FES: variants seen among roughly 807,000 people sequenced by gnomAD.
FES encodes the protein tyrosine-protein kinase Fes/Fps.
A neutral mutation model predicts 109.6 loss-of-function variants in FES; 83 were observed. The ratio of observed to expected loss-of-function variants is 0.76; its 90% CI spans 0.63 to 0.91. FES has a LOEUF of 0.91. Ranked by LOEUF, FES falls within the 40% of genes least tolerant of loss-of-function variation. FES has a pLI of 0.00. For synonymous variants in FES, 458 were observed against 442.1 expected, an observed-to-expected ratio of 1.04 and a Z score of -0.45; for missense variants, 943 against 1,070.9, an observed-to-expected ratio of 0.88 and a Z score of 1.67.
chr15:90,893,585 C>T (rs2033438921), intron 16 of FES, 69 bp from the exon 17 acceptor site: 2 of 1,516,844 alleles, frequency 1.3e-6, no homozygotes, highest in African/African-American at 1.4e-5. Flanking sequence ...CCTTGGCTTT[C>T]CTAGAGTGTT....
Position 90,895,430 on chromosome 15 carries a change from T to G in FES, c.2341T>G (p.Cys781Gly). Reference sequence around the variant, plus strand: ...TCTCCTCACAGGGGGCCGTCTGCCCTGCCCAGAGCTGTGTCCTGATGCCGT... The same window carrying G: ...TCTCCTCACAGGGGGCCGTCTGCCCGGCCCAGAGCTGTGTCCTGATGCCGT... ...EFVEKGGRLP[C>G]PELCPDAVFR... The change falls in exon 19 of 19, where the codon TGC (cysteine) becomes GGC (glycine). Residue 781 changes from cysteine to glycine, a missense_variant. Coordinates refer to ENST00000328850, the MANE Select transcript of FES (RefSeq NM_002005.4). 6 of 1,554,452 alleles carry G rather than the reference T, an allele frequency of 3.9e-6. No individual in the cohort carries two copies. Among genetic ancestry groups the G allele is most frequent in the Non-Finnish European group, 5.2e-6 (6 of 1,146,666 alleles).
chr15:90,885,124 C>T lies in FES; in HGVS notation c.79C>T (p.Leu27=), dbSNP rs1420614574. The change falls in exon 2 of 19, where the codon CTG becomes TTG. Residue 27 remains leucine (L), a synonymous_variant. Transcript: ENST00000328850. ...AATGCAGGAGGCCGAGCTTCGTCTA[C>T]TGGAGGGCATGAGAAAGTGGATGGC... is the stretch of plus-strand genomic sequence containing the variant. The part of the protein sequence containing the change: ...QQMQEAELRL[L]EGMRKWMAQR... The T allele has an allele frequency of 1.2e-6, 2 of 1,614,020 alleles. No individual in the cohort carries two copies. Among genetic ancestry groups the T allele is most frequent in the Non-Finnish European group, 1.7e-6 (2 of 1,180,020 alleles).
At position 90,887,285 on chromosome 15, in the gene FES, C is replaced by G. The variant is rs1365218520; in HGVS notation, c.583C>G (p.Leu195Val). 1 of 1,613,152 alleles carries G rather than the reference C, an allele frequency of 6.2e-7. No homozygotes were observed. Among genetic ancestry groups the G allele is most frequent in the Non-Finnish European group, 8.5e-7 (1 of 1,180,048 alleles). ...RYVLGVRAAQ[L>V]HHQHHHQLLL... is the part of the protein sequence containing the mutation. Reference sequence around the variant, plus strand: ...TGTGCTGGGCGTGCGGGCTGCGCAGCTACACCACCAGCACCACCACCAGCT... The same window carrying G: ...TGTGCTGGGCGTGCGGGCTGCGCAGGTACACCACCAGCACCACCACCAGCT... The change falls in exon 5 of 19, where the codon CTA becomes GTA. Residue 195 changes from leucine to valine, a missense_variant. Physicochemically the swap from Leu to Val is conservative, Grantham distance 32 (BLOSUM62 1). Transcript: ENST00000328850.
Position 90,893,128 on chromosome 15 carries a change from A to G in FES, c.1855A>G (p.Ile619Val). 2 of 1,613,918 alleles carry G rather than the reference A, an allele frequency of 1.2e-6. No homozygotes were observed. Among genetic ancestry groups the G allele is most frequent in the Non-Finnish European group, 1.7e-6 (2 of 1,179,942 alleles). The change falls in exon 15 of 19, where the codon ATC becomes GTC. Residue 619 changes from isoleucine to valine, a missense_variant. Coordinates refer to ENST00000328850, the MANE Select transcript of FES (RefSeq NM_002005.4). ...CCTGAAGCAGTACAGCCACCCCAAC[A>G]TCGTGCGTCTCATTGGTGTCTGCAC... ...RILKQYSHPN[I>V]VRLIGVCTQK...
At chr15:90,885,851 T>G (rs1357849044) in intron 3 of FES, among the ~76,000 whole-genome samples, 2 of 152,066 alleles carry the variant, frequency 1.3e-5, no homozygotes, top group Non-Finnish European at 2.9e-5. Context: ...TGGGAGAAGC[T>G]CAGAATCGGT....
At position 90,893,361 on chromosome 15, in the gene FES, G is replaced by T; in HGVS notation, c.1992G>T (p.Val664=). 1 of 1,564,886 alleles carries T rather than the reference G, an allele frequency of 6.4e-7. No individual in the cohort carries two copies. ...RLRVKTLLQM[V]GDAAAGMEYL... Reference sequence around the variant, plus strand: ...GGGTGAAGACTCTGCTGCAGATGGTGGGGGATGCAGCTGCTGGCATGGAGT... The same window carrying T: ...GGGTGAAGACTCTGCTGCAGATGGTTGGGGATGCAGCTGCTGGCATGGAGT... Residue 664 remains valine (V), a synonymous_variant, in exon 16 of 19, where the codon GTG becomes GTT. Coordinates refer to ENST00000328850, the MANE Select transcript of FES (RefSeq NM_002005.4).
At chr15:90,888,742 C>T (rs2151253234) in intron 5 of FES, among the ~76,000 whole-genome samples, 1 of 145,108 alleles carries the variant, frequency 6.9e-6, no homozygotes, top group Non-Finnish European at 1.5e-5. Flanking sequence ...ACAAGGATAG[C>T]AGTTCATTTA....
chr15:90,893,422 G>A lies in FES; in HGVS notation c.2045+8G>A, dbSNP rs2033416811. On this transcript the variant is annotated splice_region_variant and intron_variant, in intron 16 of 18. Transcript: ENST00000328850. ...CAAGTGCTGCATCCACCGGTGAGTG[G>A]GCGGTGGCCACGGGCCCTGCCAACA... 6.5e-7 allele frequency: 1 copy of A among 1,533,640 alleles called. No individual in the cohort carries two copies. Among genetic ancestry groups the A allele is most frequent in the South Asian group, 1.3e-5 (1 of 79,138 alleles).
chr15:90,893,919 C>T lies in FES; in HGVS notation c.2204-17C>T, dbSNP rs760110322. ...AGGGTGCACTCACGCTGCCTCACCTCCTCGCCTCCTCTGCAGGCCGCTACT... is the reference window on the plus strand; with the variant it reads ...AGGGTGCACTCACGCTGCCTCACCTTCTCGCCTCCTCTGCAGGCCGCTACT... On this transcript the variant is annotated splice_polypyrimidine_tract_variant and intron_variant, in intron 17 of 18. Transcript: ENST00000328850. The T allele has an allele frequency of 2.5e-6, 4 of 1,613,232 alleles. No individual in the cohort carries two copies. The highest frequency in any genetic ancestry group is 3.4e-6 in the Non-Finnish European group (4 of 1,179,960).
At chr15:90,891,236 C>T in intron 11 of FES, 45 bp downstream of exon 11, 3 of 1,536,744 alleles carry the variant, frequency 2.0e-6, no homozygotes, top group Non-Finnish European at 1.8e-6. Flanking sequence ...CACTCTTCCC[C>T]TCCCTTCCCT....
In FES at chr15:90,891,458, C is replaced by A. The variant is rs757632334; in HGVS notation, c.1531-96C>A. On this transcript the variant is annotated intron_variant, in intron 11 of 18. Transcript: ENST00000328850. ...AGGTCTCTCTGCCCCTGGTCCTGGG[C>A]AGGCCCTTTCTCCCCTGCTGCTCTC... The A allele has an allele frequency of 2.6e-6, 4 of 1,542,572 alleles. No homozygotes were observed. In the African/African-American group the frequency reaches 4.1e-5, roughly 16 times the overall value.
At position 90,889,890 on chromosome 15, in the gene FES, G is replaced by C; in HGVS notation, c.977G>C (p.Arg326Thr). ...ELAVATEMVF[R>T]RQEMVTQLQQ... ...GCTGTGGCCACCGAGATGGTGTTCA[G>C]GCGGCAGGAGATGGTTACGCAGCTG... is the stretch of plus-strand genomic sequence containing the variant. Residue 326 changes from arginine (R) to threonine (T), a missense_variant, in exon 8 of 19, where the codon AGG becomes ACG. By Grantham distance (71) the Arg-to-Thr change is moderately conservative. Transcript: ENST00000328850. This position sits in a 1 kb window ranked among gnomAD's most constrained non-coding sequence, Gnocchi z 6.1. 6.2e-7 allele frequency: 1 copy of C among 1,613,656 alleles called. No individual in the cohort carries two copies. The highest frequency in any genetic ancestry group is 8.5e-7 in the Non-Finnish European group (1 of 1,179,954).
chr15:90,895,137 A>C (rs1181276652), intron 18 of FES, among the ~76,000 whole-genome samples: 1 of 152,212 alleles, frequency 6.6e-6, no homozygotes, highest in East Asian at 1.9e-4. Flanking sequence ...GTGCTAGGTC[A>C]CATGTTATTT....
Position 90,889,794 on chromosome 15 carries a change from G to A in FES, c.927-46G>A. On this transcript the variant is annotated intron_variant, in intron 7 of 18. Coordinates refer to ENST00000328850, the MANE Select transcript of FES (RefSeq NM_002005.4). This position sits in a 1 kb window ranked among gnomAD's most constrained non-coding sequence, Gnocchi z 6.1. ...AGGGATGCACTGGACCTGGGTTGAGGGGGCAGGAGGGCTCGGTTCTAATGC... is the reference window on the plus strand; with the variant it reads ...AGGGATGCACTGGACCTGGGTTGAGAGGGCAGGAGGGCTCGGTTCTAATGC... 3 of 1,610,974 alleles carry A rather than the reference G, an allele frequency of 1.9e-6. No homozygotes were observed. The highest frequency in any genetic ancestry group is 1.3e-5 in the African/African-American group (1 of 74,954).
chr15:90,890,707 C>A (rs1485055464), intron 10 of FES, among the ~76,000 whole-genome samples: 3 of 82,880 alleles, frequency 3.6e-5, no homozygotes, highest in Non-Finnish European at 7.6e-5. Flanking sequence ...CCATGGCTCT[C>A]CCTGCTTCAG....
At position 90,893,278 on chromosome 15, in the gene FES, T is replaced by C; in HGVS notation, c.1922-13T>C. 6.2e-7 allele frequency: 1 copy of C among 1,606,764 alleles called. No individual in the cohort carries two copies. Among genetic ancestry groups the C allele is most frequent in the East Asian group, 2.2e-5 (1 of 44,782 alleles). On this transcript the variant is annotated splice_polypyrimidine_tract_variant and intron_variant, in intron 15 of 18. Coordinates refer to ENST00000328850, the MANE Select transcript of FES (RefSeq NM_002005.4). ...ACCTCAGGAGGCTCAGCAGGGGTCC[T>C]CCCCACCTGCAGGGGGCGACTTCCT...
chr15:90,886,888 G>T, intron 3 of FES, 73 bp from the exon 4 acceptor site: 1 of 1,448,110 alleles, frequency 6.9e-7, no homozygotes, highest in Non-Finnish European at 9.7e-7. Flanking sequence ...ACCTTTCCAG[G>T]GCTTCACCCC....
rs376520795 is a variant in FES, at chr15:90,892,746, G to A, written c.1747G>A (p.Asp583Asn). The A allele has an allele frequency of 2.5e-6, 4 of 1,613,316 alleles. No individual in the cohort carries two copies. Among genetic ancestry groups the A allele is most frequent in the Non-Finnish European group, 3.4e-6 (4 of 1,179,852 alleles). ...AGTGTTCAGCGGACGCCTGCGAGCC[G>A]ACAACACCCTGGTGGCGGTGAAGTC... is the stretch of plus-strand genomic sequence containing the variant. ...GEVFSGRLRADNTLVAVKSCR... is the reference protein window; with the variant it reads ...GEVFSGRLRANNTLVAVKSCR... Residue 583 changes from aspartate to asparagine, a missense_variant, in exon 14 of 19, where the codon GAC becomes AAC. Coordinates refer to ENST00000328850, the MANE Select transcript of FES (RefSeq NM_002005.4).
intron 3 of FES, among the ~76,000 whole-genome samples, chr15:90,886,562 G>T (rs2032648461): frequency 1.3e-5 from 2 of 152,216 alleles, no homozygotes; most frequent in African/African-American, 4.8e-5. Context: ...GCAGGACCCA[G>T]TGCAAAGTGA....
Sources: allele counts gnomAD v4.1 joint callset (sites outside exome capture counted in the v4.1 genomes callset), GRCh38; gene constraint gnomAD v4.1.1; non-coding constraint Gnocchi (gnomAD v3.1); transcripts MANE v1.5; gene names NCBI Gene and HGNC (gene_info 2026-07-23, HGNC 2026-07-21).